The following MAP4K3 variants were observed in gnomAD, a reference collection of about 807,000 sequenced individuals.
MAP4K3 encodes the protein mitogen-activated protein kinase kinase kinase kinase 3.
A neutral mutation model predicts 143.5 loss-of-function variants in MAP4K3; 94 were observed. The observed-to-expected ratio is 0.65, with a 90% CI of 0.55 to 0.78. MAP4K3 has a LOEUF of 0.78. Ranked by LOEUF, MAP4K3 falls within the 30% of genes least tolerant of loss-of-function variation. The pLI is 0.00. For synonymous variants in MAP4K3, 416 were observed against 347.2 expected, an observed-to-expected ratio of 1.20 and a Z score of -2.20; for missense variants, 1,077 against 1,068.1, an observed-to-expected ratio of 1.01 and a Z score of -0.12.
At chr2:39,385,534 G>A (rs897562068) in intron 1 of MAP4K3, among the ~76,000 whole-genome samples, 4 of 128,604 alleles carry the variant, frequency 3.1e-5, no homozygotes, top group Non-Finnish European at 4.7e-5. Flanking sequence ...TTTTCTTACT[G>A]AGTTATGAGC....
chr2:39,269,470 CT>C (rs59479315), intron 26 of MAP4K3, among the ~76,000 whole-genome samples: 44 of 89,674 alleles, frequency 4.9e-4, no homozygotes, highest in South Asian at 1.2e-3. Flanking sequence ...TTGCTCAGGT[CT>C]TTTTTTTTTT....
intron 23 of MAP4K3, 49 bp from the exon 24 acceptor site, chr2:39,278,535 T>G (rs750106342): frequency 9.9e-7 from 1 of 1,010,016 alleles, no homozygotes; most frequent in African/African-American, 1.6e-5. Context: ...AAAATATTTT[T>G]AAATAGGATT....
chr2:39,273,228 C>T (rs887283572), intron 24 of MAP4K3, among the ~76,000 whole-genome samples: 1 of 152,192 alleles, frequency 6.6e-6, no homozygotes, highest in African/African-American at 2.4e-5. Flanking sequence ...TTTCGTTATG[C>T]GTATCAGTGG....
intron 12 of MAP4K3, chr2:39,323,500 T>G (rs540785680): frequency 2.0e-5 from 3 of 152,334 alleles, no homozygotes; most frequent in African/African-American, 7.2e-5. Flanking sequence ...TACCATAATT[T>G]AGTTAAATAA....
intron 1 of MAP4K3, among the ~76,000 whole-genome samples, chr2:39,389,627 T>G (rs1666599251): frequency 6.6e-6 from 1 of 152,100 alleles, no homozygotes; most frequent in Admixed American, 6.5e-5. Flanking sequence ...CTGTAGAAAA[T>G]GCAGTGCTGA....
intron 6 of MAP4K3, among the ~76,000 whole-genome samples, chr2:39,333,962 T>TGTGC (rs1491406864): frequency 0.032 from 40 of 1,234 alleles, no homozygotes; most frequent in South Asian, 0.25. Context: ...TTCCCATTTT[T>TGTGC]GTGTGTGTGT....
chr2:39,426,202 A>C (rs1305974890), intron 1 of MAP4K3, among the ~76,000 whole-genome samples: 2 of 152,182 alleles, frequency 1.3e-5, no homozygotes, highest in African/African-American at 2.4e-5. Flanking sequence ...GTGTAACATG[A>C]ATTTAAACAA....
intron 22 of MAP4K3, among the ~76,000 whole-genome samples, chr2:39,281,543 C>T (rs1374013698): frequency 1.3e-5 from 2 of 152,072 alleles, no homozygotes; most frequent in African/African-American, 4.8e-5. Flanking sequence ...CTGCTAACCC[C>T]TAGAAATTTA....
intron 1 of MAP4K3, among the ~76,000 whole-genome samples, chr2:39,403,517 C>A (rs1215052442): frequency 6.6e-6 from 1 of 152,024 alleles, no homozygotes; most frequent in Non-Finnish European, 1.5e-5. Context: ...CAGCTGACAC[C>A]CGACCATGGA....
chr2:39,253,336 G>T (rs1301712975), intron 32 of MAP4K3, among the ~76,000 whole-genome samples: 2 of 152,130 alleles, frequency 1.3e-5, no homozygotes, highest in Non-Finnish European at 1.5e-5. Context: ...GTTTCACCAT[G>T]TTGGCCAGGC....
chr2:39,331,795 T>A, intron 8 of MAP4K3, 122 bp downstream of exon 8: 1 of 526,602 alleles, frequency 1.9e-6, no homozygotes, highest in Non-Finnish European at 3.4e-6. Context: ...CTGAATTACT[T>A]TGCCTGTTGA....
At chr2:39,309,008 T>A (rs922733219) in intron 14 of MAP4K3, among the ~76,000 whole-genome samples, 2 of 152,180 alleles carry the variant, frequency 1.3e-5, no homozygotes, top group Non-Finnish European at 2.9e-5. Context: ...AATCACAGAA[T>A]GGTAAAACAA....
chr2:39,360,209 GC>G (rs1460103471), intron 2 of MAP4K3, among the ~76,000 whole-genome samples: 1 of 152,162 alleles, frequency 6.6e-6, no homozygotes, highest in Non-Finnish European at 1.5e-5. Context: ...TAGGGCAGGG[GC>G]AAAATGCCGC....
intron 2 of MAP4K3, among the ~76,000 whole-genome samples, chr2:39,362,171 A>G (rs1665789111): frequency 6.6e-6 from 1 of 152,206 alleles, no homozygotes; most frequent in East Asian, 1.9e-4. Flanking sequence ...GCTCTTATTT[A>G]GAATTGATAC....
At chr2:39,432,652 G>A (rs1312274332) in intron 1 of MAP4K3, among the ~76,000 whole-genome samples, 1 of 152,204 alleles carries the variant, frequency 6.6e-6, no homozygotes, top group African/African-American at 2.4e-5. Flanking sequence ...CACAAATGCT[G>A]ATTATAATGG....
intron 1 of MAP4K3, among the ~76,000 whole-genome samples, chr2:39,425,796 T>C (rs1304143160): frequency 6.6e-6 from 1 of 152,110 alleles, no homozygotes. Flanking sequence ...CAAAACCCAA[T>C]GAATAAAAGA....
At chr2:39,254,401 T>C (rs763831686) in intron 32 of MAP4K3, 49 bp downstream of exon 32, 7 of 1,426,694 alleles carry the variant, frequency 4.9e-6, no homozygotes, top group Non-Finnish European at 6.9e-6. Flanking sequence ...CTGTTTGAAG[T>C]GGAATTTGAT....
chr2:39,405,393 C>G (rs1290390526), intron 1 of MAP4K3, among the ~76,000 whole-genome samples: 1 of 152,150 alleles, frequency 6.6e-6, no homozygotes, highest in Non-Finnish European at 1.5e-5. Flanking sequence ...GCAGGTATGG[C>G]TTAGATTACA....
intron 33 of MAP4K3, among the ~76,000 whole-genome samples, chr2:39,251,374 G>A (rs951681261): frequency 2.0e-5 from 3 of 152,182 alleles, no homozygotes; most frequent in Admixed American, 6.5e-5. Context: ...GCTTTTAAGA[G>A]AATTCAGCTG....
Sources: allele counts gnomAD v4.1 joint callset (sites outside exome capture counted in the v4.1 genomes callset), GRCh38; gene constraint gnomAD v4.1.1; transcripts MANE v1.5; gene names NCBI Gene and HGNC (gene_info 2026-07-23, HGNC 2026-07-21).